Variants in NKAIN2 observed in about 807,000 individuals in gnomAD.
NKAIN2 encodes sodium/potassium transporting ATPase interacting 2, also known as sodium/potassium-transporting ATPase subunit beta-1-interacting protein 2.
In NKAIN2, 14 loss-of-function variants were observed where a neutral mutation model predicts 32.6. The observed-to-expected ratio is 0.43, with a 90% CI of 0.28 to 0.67. The LOEUF is 0.67. Ranked by LOEUF, NKAIN2 falls within the 30% of genes least tolerant of loss-of-function variation. NKAIN2 has a pLI of 0.17. For missense variants in NKAIN2, 198 were observed against 258.3 expected, an observed-to-expected ratio of 0.77 and a Z score of 1.60; for synonymous variants, 80 against 87.2, an observed-to-expected ratio of 0.92 and a Z score of 0.46.
chr6:124,161,259 A>T (rs1357724038), intron 1 of NKAIN2, among the ~76,000 whole-genome samples: 1 of 152,098 alleles, frequency 6.6e-6, no homozygotes, highest in Non-Finnish European at 1.5e-5. Flanking sequence ...AGCAGGACTA[A>T]GAGAGTGATA....
At chr6:123,933,068 G>A (rs892288065) in intron 1 of NKAIN2, among the ~76,000 whole-genome samples, 8 of 152,030 alleles carry the variant, frequency 5.3e-5, no homozygotes, top group African/African-American at 9.7e-5. Context: ...CCTGATCATC[G>A]CAATTATCTG....
chr6:124,347,449 C>T (rs1798485415), intron 2 of NKAIN2, among the ~76,000 whole-genome samples: 1 of 152,176 alleles, frequency 6.6e-6, no homozygotes, highest in Non-Finnish European at 1.5e-5. Context: ...TGGTTCCATT[C>T]TCCCCGTCAG....
chr6:124,464,932 G>A (rs919561434), intron 3 of NKAIN2, among the ~76,000 whole-genome samples: 6 of 152,080 alleles, frequency 3.9e-5, no homozygotes, highest in Non-Finnish European at 7.4e-5. Flanking sequence ...CATGGGGATA[G>A]CATTGAATCT....
chr6:124,325,410 T>C (rs1797370695), intron 2 of NKAIN2, among the ~76,000 whole-genome samples: 1 of 152,006 alleles, frequency 6.6e-6, no homozygotes, highest in African/African-American at 2.4e-5. Flanking sequence ...CCAAGAGATG[T>C]TGAAAAAACA....
At chr6:124,266,563 G>A (rs1384740347) in intron 1 of NKAIN2, among the ~76,000 whole-genome samples, 1 of 152,162 alleles carries the variant, frequency 6.6e-6, no homozygotes, top group East Asian at 1.9e-4. Flanking sequence ...ACAGGCATGA[G>A]CCACCATACC....
At chr6:124,806,065 G>T (rs1376939388) in intron 5 of NKAIN2, among the ~76,000 whole-genome samples, 1 of 152,166 alleles carries the variant, frequency 6.6e-6, no homozygotes, top group Non-Finnish European at 1.5e-5. Context: ...AAAACATTCT[G>T]CAGGATATTA....
At chr6:123,947,786 T>C (rs1777139871) in intron 1 of NKAIN2, among the ~76,000 whole-genome samples, 1 of 152,166 alleles carries the variant, frequency 6.6e-6, no homozygotes, top group Non-Finnish European at 1.5e-5. Context: ...TACAGCTTTT[T>C]TGAAATATAC....
At chr6:123,804,559 A>G (rs1225718933) in intron 1 of NKAIN2, among the ~76,000 whole-genome samples, 1 of 152,172 alleles carries the variant, frequency 6.6e-6, no homozygotes, top group African/African-American at 2.4e-5. Context: ...TTGCATTCCT[A>G]TTCATGTAAC....
chr6:124,602,604 C>G (rs1277084464), intron 3 of NKAIN2, among the ~76,000 whole-genome samples: 2 of 151,756 alleles, frequency 1.3e-5, no homozygotes, highest in African/African-American at 4.8e-5. Flanking sequence ...AACGAAAAAG[C>G]TAAGGAAAAG....
At chr6:124,476,970 T>C (rs549094251) in intron 3 of NKAIN2, among the ~76,000 whole-genome samples, 4 of 152,186 alleles carry the variant, frequency 2.6e-5, no homozygotes, top group Non-Finnish European at 5.9e-5. Context: ...AATCAAAGTG[T>C]CACCCTTTGT....
At chr6:124,656,815 T>C (rs1784554685) in intron 3 of NKAIN2, among the ~76,000 whole-genome samples, 1 of 152,160 alleles carries the variant, frequency 6.6e-6, no homozygotes, top group African/African-American at 2.4e-5. Context: ...ATCCATGATA[T>C]GTAGCAGTGC....
At chr6:124,098,956 TTATAGA>T (rs1292701434) in intron 1 of NKAIN2, among the ~76,000 whole-genome samples, 18 of 152,066 alleles carry the variant, frequency 1.2e-4, no homozygotes, top group Non-Finnish European at 2.1e-4. Context: ...GGCCAGATTC[TTATAGA>T]TAAAAGATAA....
At chr6:123,857,057 A>G (rs1337431634) in intron 1 of NKAIN2, among the ~76,000 whole-genome samples, 1 of 151,900 alleles carries the variant, frequency 6.6e-6, no homozygotes, top group Non-Finnish European at 1.5e-5. Flanking sequence ...AATACTCTTA[A>G]TCTTTTATTT....
intron 1 of NKAIN2, among the ~76,000 whole-genome samples, chr6:123,909,991 A>T (rs192759319): frequency 6.9e-6 from 1 of 145,410 alleles, no homozygotes; most frequent in Non-Finnish European, 1.5e-5. Flanking sequence ...AGTCTGCCAT[A>T]AAAAAAAAAA....
At chr6:124,802,431 G>A (rs1268970681) in intron 5 of NKAIN2, among the ~76,000 whole-genome samples, 1 of 152,136 alleles carries the variant, frequency 6.6e-6, no homozygotes, top group Non-Finnish European at 1.5e-5. Context: ...ACAAAGACTG[G>A]AAAATCTAAT....
chr6:124,333,179 T>A (rs979929902), intron 2 of NKAIN2, among the ~76,000 whole-genome samples: 4 of 152,206 alleles, frequency 2.6e-5, no homozygotes. Flanking sequence ...CACTTGGCCC[T>A]CGTGGCAAAT....
intron 4 of NKAIN2, among the ~76,000 whole-genome samples, chr6:124,760,267 G>A (rs1040216197): frequency 3.3e-5 from 5 of 151,834 alleles, no homozygotes; most frequent in Admixed American, 6.6e-5. Context: ...GAGGATGGGA[G>A]GAGGGAGAGC....
intron 1 of NKAIN2, among the ~76,000 whole-genome samples, chr6:124,092,552 T>G (rs1047325725): frequency 4.6e-5 from 7 of 152,074 alleles, no homozygotes; most frequent in African/African-American, 1.7e-4. Flanking sequence ...TGTATTTCAC[T>G]CTAGACTCTA....
At chr6:123,935,063 A>G (rs1341238063) in intron 1 of NKAIN2, among the ~76,000 whole-genome samples, 1 of 147,378 alleles carries the variant, frequency 6.8e-6, no homozygotes, top group East Asian at 1.9e-4. Context: ...TATTATATAT[A>G]TATTTCTATA....
Sources: allele counts gnomAD v4.1 joint callset (sites outside exome capture counted in the v4.1 genomes callset), GRCh38; gene constraint gnomAD v4.1.1; transcripts MANE v1.5; gene names NCBI Gene and HGNC (gene_info 2026-07-23, HGNC 2026-07-21).